ZNF831: variants seen among roughly 807,000 people sequenced by gnomAD.
ZNF831 encodes zinc finger protein 831, also known as chromosome 20 open reading frame 174.
In ZNF831, 59 loss-of-function variants were observed where a neutral mutation model predicts 95.8. That is an observed-to-expected ratio of 0.62 (90% confidence interval 0.50 to 0.77). The LOEUF (loss-of-function observed/expected upper bound fraction) is 0.77. ZNF831 is among the 30% of genes least tolerant of loss of function. The pLI, the probability that ZNF831 is intolerant of heterozygous loss-of-function variation, is 0.00. For missense variants in ZNF831, 2,205 were observed against 2,164.0 expected (o/e 1.02, Z -0.38); for synonymous variants, 961 against 925.5 (o/e 1.04, Z -0.70).
rs1472992443 is a variant in ZNF831 at position 59,246,870 on chromosome 20, T to A, written c.4028-6108T>A. On this transcript the variant is annotated intron_variant, in intron 4 of 5. Coordinates refer to ENST00000371030, the MANE Select transcript of ZNF831 (RefSeq NM_178457.3). ...TCTGGTCCTCTCCCCCAACCCTCCC[T>A]GCCTGTGCAGCTGAAGTCGGAGCTG... Among the ~76,000 whole-genome samples, 9 of 152,336 alleles carry A rather than the reference T, an allele frequency of 5.9e-5. No individual in the cohort carries two copies. In the South Asian group the frequency reaches 6.2e-4, roughly 11 times the overall value.
Position 59,191,995 on chromosome 20 carries a change from C to T in ZNF831, c.976C>T (p.Pro326Ser), listed in dbSNP as rs2146557727. ...QRQQATAAEK[P>S]WDAKAPEGRL... is the part of the protein sequence containing the mutation. ...GCAGCAGGCGACGGCAGCGGAGAAG[C>T]CCTGGGATGCCAAGGCCCCCGAGGG... Residue 326 changes from proline (P) to serine (S), a missense_variant, in exon 2 of 6, where the codon CCC becomes TCC. Physicochemically the swap from Pro to Ser is moderately conservative, Grantham distance 74. Transcript: ENST00000371030. 6.2e-7 allele frequency: 1 copy of T among 1,608,452 alleles called. No individual in the cohort carries two copies. Among genetic ancestry groups the T allele is most frequent in the South Asian group, 1.1e-5 (1 of 90,836 alleles).
chr20:59,177,650 T>G (rs1276378234), intron 1 of ZNF831, among the ~76,000 whole-genome samples: 1 of 152,168 alleles, frequency 6.6e-6, no homozygotes, highest in Non-Finnish European at 1.5e-5. Flanking sequence ...GCCCATCTCA[T>G]TTAAAATTGC....
chr20:59,231,948 G>C (rs189467397), intron 4 of ZNF831, among the ~76,000 whole-genome samples: 1 of 152,228 alleles, frequency 6.6e-6, no homozygotes, highest in African/African-American at 2.4e-5. Context: ...AGAACAAGGC[G>C]TGAGAGATTG....
exon 1 of ZNF831, chr20:59,123,440 G>T (rs913913347): frequency 3.9e-5 from 6 of 152,386 alleles, no homozygotes; most frequent in Admixed American, 3.9e-4. Context: ...AGTTCCGTCG[G>T]GGGTGGAGGA....
At chr20:59,245,420 A>G (rs1987543994) in intron 4 of ZNF831, among the ~76,000 whole-genome samples, 1 of 152,164 alleles carries the variant, frequency 6.6e-6, no homozygotes, top group East Asian at 1.9e-4. Context: ...CAGGCACCCG[A>G]ATTAGCAATT....
At chr20:59,232,886 G>C (rs946921660) in intron 4 of ZNF831, among the ~76,000 whole-genome samples, 1 of 151,996 alleles carries the variant, frequency 6.6e-6, no homozygotes, top group Non-Finnish European at 1.5e-5. Context: ...GGAGCACTAC[G>C]TTTCAGATCC....
At chr20:59,188,957 G>T (rs1030482701) in intron 1 of ZNF831, among the ~76,000 whole-genome samples, 2 of 152,150 alleles carry the variant, frequency 1.3e-5, no homozygotes, top group East Asian at 3.9e-4. Flanking sequence ...GAGGCCAGTG[G>T]ATCACCCGAA....
intron 1 of ZNF831, among the ~76,000 whole-genome samples, chr20:59,145,259 A>G (rs1979808293): frequency 6.6e-6 from 1 of 152,114 alleles, no homozygotes; most frequent in Non-Finnish European, 1.5e-5. Context: ...GACTTGGGTC[A>G]CGTTACCATT....
intron 4 of ZNF831, among the ~76,000 whole-genome samples, chr20:59,245,213 T>C (rs1171370282): frequency 1.3e-5 from 2 of 152,338 alleles, no homozygotes; most frequent in Non-Finnish European, 2.9e-5. Context: ...ATGTGTTGGG[T>C]AGCACAATGC....
intron 1 of ZNF831, among the ~76,000 whole-genome samples, chr20:59,130,985 G>A (rs1453939448): frequency 6.6e-6 from 1 of 152,188 alleles, no homozygotes; most frequent in Non-Finnish European, 1.5e-5. Context: ...GTAAATGGGC[G>A]TGGAAGCATG....
At chr20:59,164,498 GT>G (rs909052307) in intron 1 of ZNF831, among the ~76,000 whole-genome samples, 51 of 151,888 alleles carry the variant, frequency 3.4e-4, no homozygotes, top group African/African-American at 1.1e-3. Flanking sequence ...TTTATAAACT[GT>G]TTTTTTTCCC....
chr20:59,227,278 G>T (rs1245306499), intron 4 of ZNF831, among the ~76,000 whole-genome samples: 2 of 152,124 alleles, frequency 1.3e-5, no homozygotes, highest in East Asian at 1.9e-4. Context: ...CTGTAAAATG[G>T]GAGCCTTTGT....
At chr20:59,198,081 G>A (rs1161265656) in intron 3 of ZNF831, among the ~76,000 whole-genome samples, 1 of 152,106 alleles carries the variant, frequency 6.6e-6, no homozygotes, top group Non-Finnish European at 1.5e-5. Flanking sequence ...TATTTACCAT[G>A]TACCTGCTGT....
At chr20:59,145,972 G>GT (rs1344022270) in intron 1 of ZNF831, among the ~76,000 whole-genome samples, 3 of 152,118 alleles carry the variant, frequency 2.0e-5, no homozygotes, top group Non-Finnish European at 4.4e-5. Context: ...GGATGGTTTT[G>GT]TTTTTTTATC....
At position 59,192,726 on chromosome 20, in the gene ZNF831, C is replaced by A. The variant is rs2146570608; in HGVS notation, c.1707C>A (p.Asp569Glu). The A allele has an allele frequency of 3.7e-6, 6 of 1,608,530 alleles. No individual in the cohort carries two copies. Among genetic ancestry groups the A allele is most frequent in the Non-Finnish European group, 5.1e-6 (6 of 1,178,192 alleles). Residue 569 changes from aspartate (D) to glutamate (E), a missense_variant, in exon 2 of 6, where the codon GAC (aspartate) becomes GAA (glutamate). Transcript: ENST00000371030. The surrounding 1 kb of genome is among the most constrained non-coding windows in gnomAD (Gnocchi z 5.2). Reference sequence around the variant, plus strand: ...TGGTCAGACAGGCCGCGGTGGAGGACCTGCCAGGCACCCCCATTGGCGATG... The same window carrying A: ...TGGTCAGACAGGCCGCGGTGGAGGAACTGCCAGGCACCCCCATTGGCGATG... ...RALVRQAAVEDLPGTPIGDAL... is the reference protein window; with the variant it reads ...RALVRQAAVEELPGTPIGDAL...
At chr20:59,145,857 C>T (rs903596955) in intron 1 of ZNF831, among the ~76,000 whole-genome samples, 1 of 152,130 alleles carries the variant, frequency 6.6e-6, no homozygotes, top group Non-Finnish European at 1.5e-5. Context: ...GGAGCCCAGA[C>T]AGAGAAATGC....
intron 1 of ZNF831, among the ~76,000 whole-genome samples, chr20:59,165,741 C>CT (rs1010698254): frequency 2.0e-5 from 3 of 151,360 alleles, no homozygotes; most frequent in East Asian, 3.9e-4. Context: ...CTTGTAGTTC[C>CT]TTTTTTTTTC....
intron 1 of ZNF831, among the ~76,000 whole-genome samples, chr20:59,186,272 T>C (rs1983025361): frequency 6.6e-6 from 1 of 152,136 alleles, no homozygotes; most frequent in Admixed American, 6.5e-5. Flanking sequence ...AATGGAATCC[T>C]TTTCTCAGGA....
intron 4 of ZNF831, among the ~76,000 whole-genome samples, chr20:59,236,775 C>T (rs1291105547): frequency 6.6e-6 from 1 of 152,152 alleles, no homozygotes; most frequent in Admixed American, 6.5e-5. Context: ...CTGCCCTTCT[C>T]TGAAGTCCAT....
Sources: allele counts gnomAD v4.1 joint callset (sites outside exome capture counted in the v4.1 genomes callset), GRCh38; gene constraint gnomAD v4.1.1; non-coding constraint Gnocchi (gnomAD v3.1); transcripts MANE v1.5; gene names NCBI Gene and HGNC (gene_info 2026-07-23, HGNC 2026-07-21).